TRIM2: variants seen among roughly 807,000 people sequenced by gnomAD.
TRIM2 encodes the protein tripartite motif-containing protein 2.
A neutral mutation model predicts 75.2 loss-of-function variants in TRIM2; 20 were observed. The observed-to-expected ratio is 0.27, with a 90% confidence interval of 0.19 to 0.39. The LOEUF (loss-of-function observed/expected upper bound fraction) is 0.39. TRIM2 is among the 10% of genes least tolerant of loss of function. The probability of loss-of-function intolerance (pLI) is 1.00; values close to 1 mark genes in which losing one functional copy is unlikely to be tolerated. For missense variants in TRIM2, 660 were observed against 990.8 expected, an observed-to-expected ratio of 0.67 and a Z score of 4.48; for synonymous variants, 373 against 388.3, an observed-to-expected ratio of 0.96 and a Z score of 0.46.
At position 153,276,050 on chromosome 4, in the gene TRIM2, G is replaced by T; in HGVS notation, c.373G>T (p.Ala125Ser). Reference sequence around the variant, plus strand: ...GCTGCAGCGAACTCCAGGCAGCAACGCTGAGGAGTCTTCCATCCTGGAGAC... The same window carrying T: ...GCTGCAGCGAACTCCAGGCAGCAACTCTGAGGAGTCTTCCATCCTGGAGAC... ...DVLQRTPGSN[A>S]EESSILETVT... is the part of the protein sequence containing the mutation. Residue 125 changes from alanine to serine, a missense_variant, in exon 3 of 12, where the codon GCT (alanine) becomes TCT (serine). Ala to Ser is a moderately conservative substitution (Grantham distance 99). Transcript: ENST00000338700. 6.2e-7 allele frequency: 1 copy of T among 1,614,202 alleles called. No homozygotes were observed. Among genetic ancestry groups the T allele is most frequent in the Non-Finnish European group, 8.5e-7 (1 of 1,180,048 alleles).
intron 1 of TRIM2, among the ~76,000 whole-genome samples, chr4:153,207,361 A>C (rs1284176662): frequency 1.3e-5 from 2 of 152,214 alleles, no homozygotes; most frequent in African/African-American, 2.4e-5. Context: ...GGTTAAGAGC[A>C]AGAGCTTTGA....
intron 3 of TRIM2, among the ~76,000 whole-genome samples, chr4:153,289,295 TC>T (rs1354516559): frequency 6.6e-6 from 1 of 152,214 alleles, no homozygotes; most frequent in African/African-American, 2.4e-5. Context: ...TATATTTTTT[TC>T]GTTCCCCACT....
chr4:153,338,120 AG>A lies in TRIM2; in HGVS notation c.*3155del. On this transcript the variant is annotated 3_prime_UTR_variant, in exon 12 of 12. Coordinates refer to ENST00000338700, the MANE Select transcript of TRIM2 (RefSeq NM_015271.5). ...ATAAATACTCCAGATCCATGCAGCT[AG>A]AACACACTTGCTTCCACTACTAAAT... 1.0e-6 allele frequency: 1 copy of A among 985,872 alleles called. No homozygotes were observed. The highest frequency in any genetic ancestry group is 1.2e-6 in the Non-Finnish European group (1 of 829,936). The allele number at this position is 985,872 out of a possible 1,614,324, so 61.1% of individuals were successfully genotyped here.
Position 153,244,391 on chromosome 4 carries a change from TTC to T in TRIM2, c.31-25942_31-25941del, listed in dbSNP as rs1490246461. Among the ~76,000 whole-genome samples the T allele has an allele frequency of 1.7e-3, 133 of 77,836 alleles. 6 individuals carry two copies. Among genetic ancestry groups the T allele is most frequent in the Non-Finnish European group, 2.1e-3 (93 of 44,512 alleles). 51.1% of individuals were successfully genotyped at this position (77,836 alleles called of 152,430 possible). A position where few individuals can be genotyped will look rare whatever the true frequency, so the allele number is the denominator to read the frequency against. ...CTTCTTCTTCTTCTTCTTCTTCTTC[TTC>T]TTCTTCTTCTTCTTCTTCTTCTTCT... is the stretch of plus-strand genomic sequence containing the variant. On this transcript the variant is annotated intron_variant, in intron 1 of 11. Transcript: ENST00000338700.
chr4:153,308,625 G>C, intron 6 of TRIM2: 1 of 623,492 alleles, frequency 1.6e-6, no homozygotes, highest in Non-Finnish European at 3.1e-6. Flanking sequence ...CTTTGGTCTT[G>C]ATGGCCATTT....
Position 153,186,209 on chromosome 4 carries a change from C to T in TRIM2, c.-49+32939C>T, listed in dbSNP as rs527919087. Among the ~76,000 whole-genome samples, 5 of 152,154 alleles carry T rather than the reference C, an allele frequency of 3.3e-5. No homozygotes were observed. In the South Asian group the frequency reaches 1.0e-3, roughly 32 times the overall value. Reference sequence around the variant, plus strand: ...AAAACCTCATGGCAGCCTGAGTGAGCGTCGGGGCGTGGTCTGAGTGCTGGG... The same window carrying T: ...AAAACCTCATGGCAGCCTGAGTGAGTGTCGGGGCGTGGTCTGAGTGCTGGG... On this transcript the variant is annotated intron_variant, in intron 1 of 11. Coordinates refer to the TRIM2 transcript ENST00000437508.
At chr4:153,258,216 C>T (rs1022347259) in intron 1 of TRIM2, among the ~76,000 whole-genome samples, 14 of 152,160 alleles carry the variant, frequency 9.2e-5, no homozygotes, top group African/African-American at 2.9e-4. Flanking sequence ...TGGCAGTTAC[C>T]ATTGGAAACC....
intron 1 of TRIM2, among the ~76,000 whole-genome samples, chr4:153,178,554 G>A (rs1208222301): frequency 2.0e-5 from 3 of 152,144 alleles, no homozygotes; most frequent in Non-Finnish European, 4.4e-5. Flanking sequence ...TGCCTGTTTT[G>A]TTGAAAAGCT....
At chr4:153,209,294 T>C (rs1193838784) in intron 1 of TRIM2, among the ~76,000 whole-genome samples, 3 of 152,196 alleles carry the variant, frequency 2.0e-5, no homozygotes, top group Non-Finnish European at 2.9e-5. Flanking sequence ...CCCACACTTA[T>C]TAGCATGCTG....
intron 1 of TRIM2, among the ~76,000 whole-genome samples, chr4:153,220,941 A>G (rs113583007): frequency 2.5e-4 from 38 of 152,300 alleles, no homozygotes; most frequent in Admixed American, 3.9e-4. Context: ...CAGTTCCTCA[A>G]AATGTTAAAC....
chr4:153,336,790 T>C lies in TRIM2; in HGVS notation c.*1824T>C. 1.0e-6 allele frequency: 1 copy of C among 985,640 alleles called. No homozygotes were observed. Among genetic ancestry groups the C allele is most frequent in the Non-Finnish European group, 1.2e-6 (1 of 829,738 alleles). 61.1% of individuals were successfully genotyped at this position (985,640 alleles called of 1,614,324 possible). A position where few individuals can be genotyped will look rare whatever the true frequency, so the allele number is the denominator to read the frequency against. Reference sequence around the variant, plus strand: ...AATTTATTATGCCCAAATCAACCTCTGAAAAAAGGTTTTTCCAGGAAGATT... The same window carrying C: ...AATTTATTATGCCCAAATCAACCTCCGAAAAAAGGTTTTTCCAGGAAGATT... On this transcript the variant is annotated 3_prime_UTR_variant, in exon 12 of 12. Coordinates refer to ENST00000338700, the MANE Select transcript of TRIM2 (RefSeq NM_015271.5).
At chr4:153,237,570 C>A (rs1340331888) in intron 1 of TRIM2, among the ~76,000 whole-genome samples, 1 of 152,052 alleles carries the variant, frequency 6.6e-6, no homozygotes, top group East Asian at 1.9e-4. Context: ...ATCCCAACTA[C>A]TCAGGAGGCT....
At chr4:153,222,231 G>C (rs1419068155) in intron 1 of TRIM2, 1 of 151,294 alleles carries the variant, frequency 6.6e-6, no homozygotes, top group African/African-American at 2.4e-5. Context: ...TTTTTTCTTC[G>C]CTCACATTCA....
At chr4:153,317,731 A>G (rs990003068) in intron 8 of TRIM2, among the ~76,000 whole-genome samples, 6 of 152,154 alleles carry the variant, frequency 3.9e-5, no homozygotes, top group Non-Finnish European at 8.8e-5. Flanking sequence ...GGGAAGCTGA[A>G]GCAGGAGGAT....
At chr4:153,318,436 A>G (rs1032760228) in intron 8 of TRIM2, among the ~76,000 whole-genome samples, 25 of 151,982 alleles carry the variant, frequency 1.6e-4, no homozygotes, top group African/African-American at 5.6e-4. Context: ...TTCTTCAATC[A>G]CCCTTGAATT....
intron 1 of TRIM2, among the ~76,000 whole-genome samples, chr4:153,238,559 A>C (rs1745620268): frequency 6.6e-6 from 1 of 152,214 alleles, no homozygotes; most frequent in South Asian, 2.1e-4. Flanking sequence ...GGAGAGGAAA[A>C]GCATGTATAA....
intron 1 of TRIM2, among the ~76,000 whole-genome samples, chr4:153,192,436 A>G (rs1181349503): frequency 6.6e-6 from 1 of 151,886 alleles, no homozygotes; most frequent in Middle Eastern, 3.2e-3. Flanking sequence ...GCAAAACCCC[A>G]TCTCTACAAA....
intron 1 of TRIM2, among the ~76,000 whole-genome samples, chr4:153,231,576 C>T (rs1743619541): frequency 6.6e-6 from 1 of 151,938 alleles, no homozygotes; most frequent in African/African-American, 2.4e-5. Flanking sequence ...AAGTCGTGGG[C>T]ATTGAGGTGA....
In TRIM2 at chr4:153,222,034, G is replaced by GGAGGGAGA. The variant is rs781181203; in HGVS notation, c.30+17474_30+17475insGAGGGAGA. Among the ~76,000 whole-genome samples, 12 of 28,734 alleles carry GGAGGGAGA rather than the reference G, an allele frequency of 4.2e-4. No homozygotes were observed. The South Asian group carries it at 0.011, about 27-fold the overall frequency. The allele number at this position is 28,734 out of a possible 152,430, so 18.9% of individuals were successfully genotyped here. On this transcript the variant is annotated intron_variant, in intron 1 of 11. Transcript: ENST00000338700. ...AGGAAGGAAAGAGCAAGGAAGGAAG[G>GGAGGGAGA]AAAGAGCGAGGAAGGGAGGGAGGAA...
Sources: gnomAD v4.1 joint callset for allele counts (sites outside exome capture counted in the v4.1 genomes callset) on GRCh38, gnomAD v4.1.1 for gene constraint, MANE v1.5 for transcripts, NCBI Gene and HGNC (gene_info 2026-07-23, HGNC 2026-07-21) for gene names.